The following CNTNAP2 variants were observed in gnomAD, a reference collection of about 807,000 sequenced individuals.
CNTNAP2 encodes the protein contactin associated protein 2.
A neutral mutation model predicts 155.2 loss-of-function variants in CNTNAP2; 98 were observed. That is an observed-to-expected ratio of 0.63 (90% CI 0.54 to 0.75). CNTNAP2 has a LOEUF of 0.75. Among genes scored for constraint, CNTNAP2 ranks in the 30% least tolerant of loss-of-function variants. The pLI, the probability that CNTNAP2 is intolerant of heterozygous loss-of-function variation, is 0.00. For missense variants in CNTNAP2, 1,727 were observed against 1,688.1 expected (o/e 1.02, Z -0.40); for synonymous variants, 651 against 631.2 (o/e 1.03, Z -0.47).
chr7:147,122,734 G>A (rs999947525), intron 6 of CNTNAP2: 1 of 152,138 alleles, frequency 6.6e-6, no homozygotes, highest in South Asian at 2.1e-4. Flanking sequence ...TGTCCAAAAG[G>A]TGTCAAATAT....
intron 10 of CNTNAP2, among the ~76,000 whole-genome samples, chr7:147,481,443 T>TAA (rs779620769): frequency 1.2e-4 from 19 of 152,288 alleles, no homozygotes; most frequent in Middle Eastern, 3.4e-3. Flanking sequence ...ATGGGTAAAA[T>TAA]AAAAGTGCAA....
intron 1 of CNTNAP2, among the ~76,000 whole-genome samples, chr7:146,502,052 A>G (rs757007150): frequency 9.9e-5 from 15 of 151,762 alleles, no homozygotes; most frequent in African/African-American, 2.2e-4. Flanking sequence ...TCCTAACTAC[A>G]TGAAGTGAAT....
chr7:147,629,434 A>C (rs981843569), intron 12 of CNTNAP2, among the ~76,000 whole-genome samples: 1 of 147,936 alleles, frequency 6.8e-6, no homozygotes, highest in Non-Finnish European at 1.5e-5. Flanking sequence ...TAATAATAAT[A>C]ATAATAATAA....
intron 15 of CNTNAP2, among the ~76,000 whole-genome samples, chr7:148,098,863 T>C (rs1334019282): frequency 1.3e-5 from 2 of 152,124 alleles, no homozygotes; most frequent in Non-Finnish European, 2.9e-5. Context: ...CTCTTTTAGC[T>C]GAACTTTGAA....
At chr7:146,137,634 CA>C (rs1351778750) in intron 1 of CNTNAP2, among the ~76,000 whole-genome samples, 1 of 151,964 alleles carries the variant, frequency 6.6e-6, no homozygotes, top group Admixed American at 6.6e-5. Context: ...TGCATAAAAA[CA>C]CTCATGGAAG....
intron 14 of CNTNAP2, among the ~76,000 whole-genome samples, chr7:147,924,057 A>T (rs1800335736): frequency 6.6e-6 from 1 of 151,824 alleles, no homozygotes; most frequent in Non-Finnish European, 1.5e-5. Flanking sequence ...AGCCAGTCTG[A>T]TGATGTTGGA....
chr7:146,653,330 A>G (rs575259588), intron 1 of CNTNAP2, among the ~76,000 whole-genome samples: 4 of 152,148 alleles, frequency 2.6e-5, no homozygotes, highest in South Asian at 2.1e-4. Context: ...TTTATTATCA[A>G]TGTTTATAGG....
chr7:146,417,547 A>G (rs1304584120), intron 1 of CNTNAP2, among the ~76,000 whole-genome samples: 3 of 152,132 alleles, frequency 2.0e-5, no homozygotes, highest in East Asian at 1.9e-4. Context: ...TAGACTGTTT[A>G]CTTACCATTG....
chr7:146,419,414 G>A (rs4618611), intron 1 of CNTNAP2, among the ~76,000 whole-genome samples: 58,955 of 151,778 alleles, frequency 0.39, 13,053 homozygotes, highest in African/African-American at 0.6. Context: ...TGGAATGTAG[G>A]ACAATAAATT....
intron 1 of CNTNAP2, among the ~76,000 whole-genome samples, chr7:146,309,506 A>G (rs1253173830): frequency 6.6e-6 from 1 of 152,144 alleles, no homozygotes; most frequent in East Asian, 1.9e-4. Flanking sequence ...ACTTCTGTTA[A>G]GAAAGGAGAA....
At chr7:147,095,186 AT>A (rs36113270) in intron 4 of CNTNAP2, among the ~76,000 whole-genome samples, 53,071 of 114,400 alleles carry the variant, frequency 0.46, 10,965 homozygotes, top group Non-Finnish European at 0.56. Flanking sequence ...CGCCTGGCTA[AT>A]TTTTTTTTTT....
chr7:147,903,756 C>T (rs748441902), intron 14 of CNTNAP2, 35 bp downstream of exon 14: 11 of 1,608,836 alleles, frequency 6.8e-6, no homozygotes, highest in East Asian at 4.5e-5. Context: ...CAGGCTCACC[C>T]TCCCAGTGTG....
At chr7:147,589,549 T>A (rs1800699565) in intron 12 of CNTNAP2, among the ~76,000 whole-genome samples, 1 of 152,176 alleles carries the variant, frequency 6.6e-6, no homozygotes, top group Non-Finnish European at 1.5e-5. Context: ...CATAGTTTTA[T>A]GGCATGTAAA....
chr7:147,951,911 A>C (rs1231186696), intron 14 of CNTNAP2, among the ~76,000 whole-genome samples: 1 of 151,966 alleles, frequency 6.6e-6, no homozygotes, highest in Non-Finnish European at 1.5e-5. Context: ...CATTCTGCAC[A>C]TGTATCCCGG....
chr7:147,697,875 C>T (rs1796185831), intron 13 of CNTNAP2, among the ~76,000 whole-genome samples: 1 of 152,094 alleles, frequency 6.6e-6, no homozygotes, highest in Non-Finnish European at 1.5e-5. Flanking sequence ...GACTCTTTTC[C>T]AATATTTACT....
At chr7:146,421,895 A>ATT (rs10626055) in intron 1 of CNTNAP2, among the ~76,000 whole-genome samples, 5,319 of 151,190 alleles carry the variant, frequency 0.035, 296 homozygotes, top group African/African-American at 0.12. Flanking sequence ...ATATAGACAG[A>ATT]TTTTTTTTAC....
chr7:146,214,406 A>G (rs1799082754), intron 1 of CNTNAP2, among the ~76,000 whole-genome samples: 1 of 152,228 alleles, frequency 6.6e-6, no homozygotes, highest in African/African-American at 2.4e-5. Context: ...TTACATTTAC[A>G]TACCTGGCTT....
chr7:146,628,002 A>G (rs1799448319), intron 1 of CNTNAP2, among the ~76,000 whole-genome samples: 1 of 152,154 alleles, frequency 6.6e-6, no homozygotes, highest in Non-Finnish European at 1.5e-5. Context: ...GGTCACGTAT[A>G]TCTTTGTGAT....
chr7:147,977,936 G>C lies in CNTNAP2; in HGVS notation c.2330G>C (p.Arg777Pro), dbSNP rs752756517. Residue 777 changes from arginine (R) to proline (P), a missense_variant, in exon 15 of 24, where the codon CGT (arginine) becomes CCT (proline). Physicochemically the swap from Arg to Pro is moderately radical, Grantham distance 103. Transcript: ENST00000361727. ...CAAGTGGTGGTTGGAGATACTGACC[G>C]TCAAGGCTCAGAAGCCAAATTGAGC... ...VSQVVVGDTD[R>P]QGSEAKLSVG... The C allele has an allele frequency of 6.2e-7, 1 of 1,614,076 alleles. No homozygotes were observed. The highest frequency in any genetic ancestry group is 8.5e-7 in the Non-Finnish European group (1 of 1,180,004).
Sources: gnomAD v4.1 joint callset for allele counts (sites outside exome capture counted in the v4.1 genomes callset) on GRCh38, gnomAD v4.1.1 for gene constraint, MANE v1.5 for transcripts, NCBI Gene and HGNC (gene_info 2026-07-23, HGNC 2026-07-21) for gene names.